The following OSBPL6 variants were observed in gnomAD, a reference collection of about 807,000 sequenced individuals.
OSBPL6 encodes oxysterol-binding protein-related protein 6.
In OSBPL6, 49 loss-of-function variants were observed where a neutral mutation model predicts 125.8. The observed-to-expected ratio is 0.39, with a 90% CI of 0.31 to 0.49. The LOEUF (loss-of-function observed/expected upper bound fraction) is 0.49. OSBPL6 is among the 20% of genes least tolerant of loss of function. The pLI, the probability that OSBPL6 is intolerant of heterozygous loss-of-function variation, is 0.88. For missense variants in OSBPL6, 986 were observed against 1,135.4 expected, an observed-to-expected ratio of 0.87 and a Z score of 1.89; for synonymous variants, 394 against 391.8, an observed-to-expected ratio of 1.01 and a Z score of -0.07.
chr2:178,205,448 A>G (rs997362950), intron 1 of OSBPL6, among the ~76,000 whole-genome samples: 2 of 152,186 alleles, frequency 1.3e-5, no homozygotes, highest in Non-Finnish European at 2.9e-5. Context: ...ATTCTACCTG[A>G]TCTAATAAGT....
At chr2:178,238,882 T>C (rs1331795861) in intron 1 of OSBPL6, among the ~76,000 whole-genome samples, 1 of 152,218 alleles carries the variant, frequency 6.6e-6, no homozygotes, top group Non-Finnish European at 1.5e-5. Context: ...GCCTCTGCTG[T>C]GTGCTTTTTC....
rs572361132 is a variant in OSBPL6, at chr2:178,307,667, C to T, written c.102+1381C>T. On this transcript the variant is annotated intron_variant, in intron 3 of 24. Transcript: ENST00000190611. Reference sequence around the variant, plus strand: ...TTCTAAGTTTGCAAATTTAGTCTACCTTTGCCTGCCCTGCTGTTCTTTCTT... The same window carrying T: ...TTCTAAGTTTGCAAATTTAGTCTACTTTTGCCTGCCCTGCTGTTCTTTCTT... Among the ~76,000 whole-genome samples, 7 of 151,820 alleles carry T rather than the reference C, an allele frequency of 4.6e-5. No homozygotes were observed. In the East Asian group the frequency reaches 1.3e-3, roughly 29 times the overall value.
At chr2:178,352,262 G>A (rs1036607834) in intron 12 of OSBPL6, among the ~76,000 whole-genome samples, 1 of 152,192 alleles carries the variant, frequency 6.6e-6, no homozygotes, top group African/African-American at 2.4e-5. Flanking sequence ...CCCACAGAGG[G>A]TGGGCCAAAG....
chr2:178,337,341 G>C (rs75964992), intron 9 of OSBPL6, among the ~76,000 whole-genome samples: 7,611 of 152,128 alleles, frequency 0.05, 242 homozygotes, highest in South Asian at 0.15. Context: ...GGTAATCTAT[G>C]TTAGTCCTCC....
chr2:178,379,554 G>A (rs1694273321), intron 15 of OSBPL6, among the ~76,000 whole-genome samples: 2 of 152,208 alleles, frequency 1.3e-5, no homozygotes, highest in Admixed American at 1.3e-4. Flanking sequence ...ATAAACATGA[G>A]TGTTTTCTTA....
At chr2:178,296,127 G>T (rs1167193828) in intron 2 of OSBPL6, among the ~76,000 whole-genome samples, 1 of 152,164 alleles carries the variant, frequency 6.6e-6, no homozygotes, top group Admixed American at 6.5e-5. Context: ...CTGCCTGCTG[G>T]CAGGCTTATT....
intron 12 of OSBPL6, among the ~76,000 whole-genome samples, chr2:178,351,775 G>T (rs1366662504): frequency 1.3e-5 from 2 of 152,184 alleles, no homozygotes; most frequent in African/African-American, 2.4e-5. Flanking sequence ...CACTACAAGT[G>T]GGGGCTAAAT....
At chr2:178,247,280 T>G (rs181895892) in intron 1 of OSBPL6, among the ~76,000 whole-genome samples, 13 of 152,302 alleles carry the variant, frequency 8.5e-5, no homozygotes, top group Admixed American at 3.3e-4. Flanking sequence ...TCCATTTCTG[T>G]TCTTAATTTT....
rs1692387458 is a variant in OSBPL6 at position 178,361,829 on chromosome 2, G to A, written c.1287+14G>A. On this transcript the variant is annotated intron_variant, in intron 13 of 24. Coordinates refer to ENST00000190611, the MANE Select transcript of OSBPL6 (RefSeq NM_032523.4). ...TCACTGTCTCAGGTAGGCAAAGAGT[G>A]TGTGTTTGCATGTACATGACACACT... 6.2e-7 allele frequency: 1 copy of A among 1,613,796 alleles called. No individual in the cohort carries two copies. The highest frequency in any genetic ancestry group is 8.5e-7 in the Non-Finnish European group (1 of 1,179,816).
intron 14 of OSBPL6, among the ~76,000 whole-genome samples, chr2:178,372,513 G>A (rs1559306330): frequency 6.6e-6 from 1 of 151,484 alleles, no homozygotes; most frequent in Non-Finnish European, 1.5e-5. Flanking sequence ...AATTTTCAAT[G>A]TCTGTCTCAT....
chr2:178,207,936 G>A (rs961123000), intron 1 of OSBPL6, among the ~76,000 whole-genome samples: 1 of 152,146 alleles, frequency 6.6e-6, no homozygotes, highest in African/African-American at 2.4e-5. Context: ...AAATTATGGA[G>A]ATTGAATTTA....
At chr2:178,219,017 T>C (rs1447586253) in intron 1 of OSBPL6, among the ~76,000 whole-genome samples, 1 of 152,160 alleles carries the variant, frequency 6.6e-6, no homozygotes. Context: ...CTGACTCTTC[T>C]GTCTTTGACA....
rs1390519084 is a variant in OSBPL6, at chr2:178,295,653, G to A, written c.-155-10377G>A. On this transcript the variant is annotated intron_variant, in intron 2 of 24. Coordinates refer to ENST00000190611, the MANE Select transcript of OSBPL6 (RefSeq NM_032523.4). The stretch of plus-strand genomic sequence containing the variant: ...ATCTGATACACTTTGCAATTGCAAG[G>A]ATTAGTGGACAATGGAAGTCCTGTG... Among the ~76,000 whole-genome samples the A allele has an allele frequency of 2.6e-5, 4 of 152,272 alleles. No homozygotes were observed. In the East Asian group the frequency reaches 5.8e-4, roughly 22 times the overall value.
intron 1 of OSBPL6, among the ~76,000 whole-genome samples, chr2:178,266,317 A>G (rs16866199): frequency 0.015 from 2,348 of 152,296 alleles, 61 homozygotes; most frequent in African/African-American, 0.054. Context: ...TTATTGACCT[A>G]TTACAACTTA....
At chr2:178,355,289 G>A (rs1341483284) in intron 12 of OSBPL6, among the ~76,000 whole-genome samples, 2 of 152,228 alleles carry the variant, frequency 1.3e-5, no homozygotes, top group East Asian at 3.9e-4. Context: ...AAAAATTAAT[G>A]AATCCAGGAG....
At chr2:178,382,663 T>C (rs1319183205) in intron 16 of OSBPL6, 156 bp downstream of exon 16, 2 of 1,494,642 alleles carry the variant, frequency 1.3e-6, no homozygotes, top group Admixed American at 2.4e-5. Flanking sequence ...TTGTATGATC[T>C]CTTGAGGTAA....
chr2:178,389,606 T>A (rs1291857345), intron 21 of OSBPL6, among the ~76,000 whole-genome samples: 1 of 152,228 alleles, frequency 6.6e-6, no homozygotes, highest in African/African-American at 2.4e-5. Flanking sequence ...CAGTACATGC[T>A]TATCCAACCC....
intron 12 of OSBPL6, among the ~76,000 whole-genome samples, chr2:178,361,065 GT>G: frequency 6.6e-6 from 1 of 152,266 alleles, no homozygotes; most frequent in South Asian, 2.1e-4. Context: ...GGGAGGGGGT[GT>G]TGTTTTTATT....
intron 3 of OSBPL6, among the ~76,000 whole-genome samples, chr2:178,309,623 G>A (rs1460818975): frequency 6.6e-6 from 1 of 152,198 alleles, no homozygotes; most frequent in East Asian, 1.9e-4. Context: ...CTTCACCAAT[G>A]ATAGCATCAA....
Sources: gnomAD v4.1 joint callset for allele counts (sites outside exome capture counted in the v4.1 genomes callset) on GRCh38, gnomAD v4.1.1 for gene constraint, MANE v1.5 for transcripts, NCBI Gene and HGNC (gene_info 2026-07-23, HGNC 2026-07-21) for gene names.